Variants in RBFOX1 observed in about 807,000 individuals in gnomAD.
RBFOX1 encodes RNA binding fox-1 homolog 1, also known as RNA binding protein fox-1 homolog 1.
A neutral mutation model predicts 57.7 loss-of-function variants in RBFOX1; 8 were observed. The observed-to-expected ratio is 0.14, with a 90% CI of 0.08 to 0.25. RBFOX1 has a LOEUF of 0.25. Ranked by LOEUF, RBFOX1 falls within the 10% of genes least tolerant of loss-of-function variation. The pLI, the probability that RBFOX1 is intolerant of heterozygous loss-of-function variation, is 1.00. For missense variants in RBFOX1, 611 were observed against 548.5 expected, an observed-to-expected ratio of 1.11 and a Z score of -1.14; for synonymous variants, 326 against 222.4, an observed-to-expected ratio of 1.47 and a Z score of -4.15.
intron 4 of RBFOX1, 26 bp from the exon 5 acceptor site, chr16:7,518,121 C>T (rs759535928): frequency 1.5e-5 from 24 of 1,596,048 alleles, no homozygotes; most frequent in Non-Finnish European, 2.0e-5. Context: ...CGTTCTCTCC[C>T]TCTCTGCACC....
chr16:6,804,286 G>A (rs2086189901), intron 3 of RBFOX1, among the ~76,000 whole-genome samples: 1 of 152,018 alleles, frequency 6.6e-6, no homozygotes, highest in African/African-American at 2.4e-5. Flanking sequence ...GGGATTACAG[G>A]CATGAGCCAC....
At position 7,058,156 on chromosome 16, in the gene RBFOX1, G is replaced by A. The variant is rs538603706; in HGVS notation, c.27+6058G>A. ...TTTCTCAAAATATAGGACACCTACC[G>A]CACGTCTTACTCACAGCTTTCAGGC... On this transcript the variant is annotated intron_variant, in intron 4 of 15. Transcript: ENST00000550418. Among the ~76,000 whole-genome samples, 199 of 152,094 alleles carry A rather than the reference G, an allele frequency of 1.3e-3. 1 individual carries two copies. The highest frequency in any genetic ancestry group is 4.4e-3 in the African/African-American group (181 of 41,502).
At chr16:7,710,033 G>C (rs187264618) in intron 15 of RBFOX1, 12 of 1,005,584 alleles carry the variant, frequency 1.2e-5, no homozygotes, top group Non-Finnish European at 1.2e-5. Flanking sequence ...AACCATGGCC[G>C]GACAGTTCAC....
chr16:6,648,011 T>G (rs2154080282), intron 2 of RBFOX1, among the ~76,000 whole-genome samples: 1 of 152,234 alleles, frequency 6.6e-6, no homozygotes, highest in African/African-American at 2.4e-5. Flanking sequence ...CCAGCTAATT[T>G]TTGTATTTTT....
At chr16:7,366,997 C>G (rs903797473) in intron 4 of RBFOX1, among the ~76,000 whole-genome samples, 2 of 151,908 alleles carry the variant, frequency 1.3e-5, no homozygotes, top group Non-Finnish European at 2.9e-5. Context: ...GTTTTTAACT[C>G]TGGTGTGAAA....
rs1396287615 is a variant in RBFOX1, at chr16:6,575,044, A to T, written c.-63-79559A>T. ...CAGAGCGAGACTCCGTCTCAATTAA[A>T]AAAAAAAAAAAAAAAAAACAGCATC... On this transcript the variant is annotated intron_variant, in intron 2 of 15. Coordinates refer to ENST00000550418, the MANE Select transcript of RBFOX1 (RefSeq NM_018723.4). 7.6e-4 allele frequency among the ~76,000 whole-genome samples: 3 copies of T among 3,964 alleles called. No homozygotes were observed. In the East Asian group the frequency reaches 0.38, roughly 496 times the overall value. The allele number at this position is 3,964 out of a possible 152,430, so 2.6% of individuals were successfully genotyped here. A position where few individuals can be genotyped will look rare whatever the true frequency, so the allele number is the denominator to read the frequency against.
chr16:7,228,227 TTGAATGAATGAA>T (rs58948380), intron 4 of RBFOX1, among the ~76,000 whole-genome samples: 3 of 151,990 alleles, frequency 2.0e-5, no homozygotes, highest in Non-Finnish European at 4.4e-5. Context: ...TACATATTTG[TTGAATGAATGAA>T]TGAATGAATG....
chr16:6,018,739 C>G (rs1046088722), upstream of RBFOX1, among the ~76,000 whole-genome samples: 3 of 152,172 alleles, frequency 2.0e-5, no homozygotes, highest in Non-Finnish European at 4.4e-5. Context: ...CTTGGCGTCT[C>G]TAGTGGGGGA....
chr16:6,266,114 T>A (rs977216600), intron 1 of RBFOX1, among the ~76,000 whole-genome samples: 3 of 152,174 alleles, frequency 2.0e-5, no homozygotes, highest in Non-Finnish European at 4.4e-5. Flanking sequence ...GCGGAAGCTT[T>A]AAGAGCCTCT....
chr16:6,097,761 C>CT lies in RBFOX1; in HGVS notation c.-127+77782dup, dbSNP rs772349623. Among the ~76,000 whole-genome samples, 890 of 142,882 alleles carry CT rather than the reference C, an allele frequency of 6.2e-3. 3 individuals are homozygous for CT. Among genetic ancestry groups the CT allele is most frequent in the East Asian group, 0.025 (121 of 4,938 alleles). 93.7% of individuals were successfully genotyped at this position (142,882 alleles called of 152,430 possible). A position where few individuals can be genotyped will look rare whatever the true frequency, so the allele number is the denominator to read the frequency against. ...CTGTGTCTTTGGTCTGTGTTCTCTT[C>CT]TTTTTTTTTTTTTCTTACCACCCTC... On this transcript the variant is annotated intron_variant, in intron 1 of 15. Transcript: ENST00000550418. This position sits in a 1 kb window ranked among gnomAD's most constrained non-coding sequence, Gnocchi z 5.0.
At chr16:5,806,870 G>T (rs1176992318) in intron 3 of RBFOX1, among the ~76,000 whole-genome samples, 1 of 152,188 alleles carries the variant, frequency 6.6e-6, no homozygotes, top group East Asian at 1.9e-4. Context: ...GCCCACTGAT[G>T]TTCCCAAATG....
At chr16:7,488,528 C>T (rs182050313) in intron 4 of RBFOX1, among the ~76,000 whole-genome samples, 2 of 152,078 alleles carry the variant, frequency 1.3e-5, no homozygotes, top group Non-Finnish European at 2.9e-5. Flanking sequence ...TATCTACTAT[C>T]TACCTGTCAT....
At chr16:5,788,531 A>C (rs1363997932) in intron 3 of RBFOX1, among the ~76,000 whole-genome samples, 1 of 152,010 alleles carries the variant, frequency 6.6e-6, no homozygotes, top group Admixed American at 6.5e-5. Context: ...TGGGAGGCTG[A>C]GGCAGGAGCA....
intron 1 of RBFOX1, among the ~76,000 whole-genome samples, chr16:6,072,229 AC>A (rs370537228): frequency 3.3e-5 from 5 of 151,800 alleles, no homozygotes; most frequent in African/African-American, 1.2e-4. Context: ...GGTAAAACCC[AC>A]CCCCCCATGA....
chr16:5,437,857 A>C (rs920375935), intron 1 of RBFOX1, among the ~76,000 whole-genome samples: 4 of 152,140 alleles, frequency 2.6e-5, no homozygotes, highest in Non-Finnish European at 5.9e-5. Flanking sequence ...GAACCATTGA[A>C]ATATATATTA....
At chr16:6,889,343 A>G (rs1177946489) in intron 3 of RBFOX1, among the ~76,000 whole-genome samples, 1 of 152,196 alleles carries the variant, frequency 6.6e-6, no homozygotes, top group African/African-American at 2.4e-5. Context: ...ACGAGTATGC[A>G]TGTGCCTCAT....
At chr16:6,771,476 A>T (rs916341551) in intron 3 of RBFOX1, among the ~76,000 whole-genome samples, 1 of 152,074 alleles carries the variant, frequency 6.6e-6, no homozygotes, top group Admixed American at 6.6e-5. Flanking sequence ...TAGCAGAGAG[A>T]CTTTCTGATG....
chr16:7,362,224 G>A (rs904929848), intron 4 of RBFOX1, among the ~76,000 whole-genome samples: 6 of 150,044 alleles, frequency 4.0e-5, no homozygotes, highest in South Asian at 2.1e-4. Flanking sequence ...TTATGTGTTT[G>A]TGTGTTTTGT....
At chr16:6,770,557 A>C (rs931954115) in intron 3 of RBFOX1, among the ~76,000 whole-genome samples, 4 of 152,020 alleles carry the variant, frequency 2.6e-5, no homozygotes, top group Non-Finnish European at 5.9e-5. Flanking sequence ...ATGTTCGTCA[A>C]CCTAGGGAAT....
Sources: gnomAD v4.1 joint callset for allele counts (sites outside exome capture counted in the v4.1 genomes callset) on GRCh38, gnomAD v4.1.1 for gene constraint, Gnocchi (gnomAD v3.1) non-coding constraint, MANE v1.5 for transcripts, NCBI Gene and HGNC (gene_info 2026-07-23, HGNC 2026-07-21) for gene names.